The following PYGO1 variants were observed in gnomAD, a reference collection of about 807,000 sequenced individuals.
PYGO1 encodes pygopus family PHD finger 1.
Under a neutral mutation model 29.5 loss-of-function variants are expected in PYGO1, and 6 were observed. The observed-to-expected ratio is 0.20, with a 90% CI of 0.11 to 0.40. The LOEUF is 0.40. Among genes scored for constraint, PYGO1 ranks in the 10% least tolerant of loss-of-function variants. PYGO1 has a pLI of 1.00. For synonymous variants in PYGO1, 186 were observed against 180.5 expected, an observed-to-expected ratio of 1.03 and a Z score of -0.24; for missense variants, 515 against 514.9, an observed-to-expected ratio of 1.00 and a Z score of 0.00.
intron 1 of PYGO1, among the ~76,000 whole-genome samples, chr15:55,554,376 G>A (rs2058893650): frequency 6.6e-6 from 1 of 151,448 alleles, no homozygotes; most frequent in East Asian, 2.0e-4. Flanking sequence ...GGCTGAGGTG[G>A]GAGAATGGCG....
rs995501382 is a variant in PYGO1, at chr15:55,545,318, G to T, written c.*705C>A. 2 of 152,184 alleles carry T rather than the reference G, an allele frequency of 1.3e-5. No homozygotes were observed. The highest frequency in any genetic ancestry group is 4.8e-5 in the African/African-American group (2 of 41,460). 9.4% of individuals were successfully genotyped at this position (152,184 alleles called of 1,614,324 possible). On this transcript the variant is annotated 3_prime_UTR_variant, in exon 3 of 3. Transcript: ENST00000563719. The stretch of plus-strand genomic sequence containing the variant: ...AATTCTAAATAGCACAACTGGGAAC[G>T]TACGTTATACCAACTTTACTAATTG...
At position 55,546,883 on chromosome 15, in the gene PYGO1, T is replaced by A; in HGVS notation, c.400A>T (p.Asn134Tyr). 1 of 1,614,088 alleles carries A rather than the reference T, an allele frequency of 6.2e-7. No homozygotes were observed. The highest frequency in any genetic ancestry group is 8.5e-7 in the Non-Finnish European group (1 of 1,180,026). ...CGATTAAAACCCATGCCCAGAGGAT[T>A]CTGAGGAAATGGGTGTGGCTGGTTC... ...LRNQPHPFPQ[N>Y]PLGMGFNRPH... Residue 134 changes from asparagine (N) to tyrosine (Y), a missense_variant, in exon 3 of 3, where the codon AAT (asparagine) becomes TAT (tyrosine). Physicochemically the swap from Asn to Tyr is moderately radical, Grantham distance 143. Coordinates refer to ENST00000563719, the MANE Select transcript of PYGO1 (RefSeq NM_001367806.1).
rs1246984214 is a variant in PYGO1, at chr15:55,538,963, T to G, written c.*7060A>C. The G allele has an allele frequency of 1.3e-5, 2 of 152,188 alleles. No homozygotes were observed. The highest frequency in any genetic ancestry group is 1.5e-5 in the Non-Finnish European group (1 of 68,040). The allele number at this position is 152,188 out of a possible 1,614,324, so 9.4% of individuals were successfully genotyped here. A position where few individuals can be genotyped will look rare whatever the true frequency, so the allele number is the denominator to read the frequency against. On this transcript the variant is annotated 3_prime_UTR_variant, in exon 3 of 3. Coordinates refer to ENST00000563719, the MANE Select transcript of PYGO1 (RefSeq NM_001367806.1). ...ATAGGAAACAAACTTACAATACATATTATTCAAGAAAGCCTGCCATACATC... is the reference window on the plus strand; with the variant it reads ...ATAGGAAACAAACTTACAATACATAGTATTCAAGAAAGCCTGCCATACATC...
intron 1 of PYGO1, among the ~76,000 whole-genome samples, chr15:55,576,388 G>A (rs1282107743): frequency 1.5e-5 from 2 of 137,566 alleles, no homozygotes; most frequent in African/African-American, 5.4e-5. Context: ...CCCGGGAGGC[G>A]GAGCTTGCAG....
intron 1 of PYGO1, among the ~76,000 whole-genome samples, chr15:55,552,790 G>A (rs983105608): frequency 2.6e-5 from 4 of 152,130 alleles, no homozygotes; most frequent in African/African-American, 9.7e-5. Flanking sequence ...TACATACTCC[G>A]GCCCCAGAAG....
chr15:55,587,889 A>C lies in PYGO1; in HGVS notation c.-6T>G. ...TTCTCCTGTTCTGCTGACATTACAGACCGCAAAGCATGACTCCCCCCCAGG... is the reference window on the plus strand; with the variant it reads ...TTCTCCTGTTCTGCTGACATTACAGCCCGCAAAGCATGACTCCCCCCCAGG... On this transcript the variant is annotated 5_prime_UTR_variant, in exon 1 of 3. Transcript: ENST00000563719. 4 of 1,475,032 alleles carry C rather than the reference A, an allele frequency of 2.7e-6. No homozygotes were observed. The highest frequency in any genetic ancestry group is 3.6e-6 in the Non-Finnish European group (4 of 1,113,316). 91.4% of individuals were successfully genotyped at this position (1,475,032 alleles called of 1,614,324 possible). A position where few individuals can be genotyped will look rare whatever the true frequency, so the allele number is the denominator to read the frequency against.
At chr15:55,551,060 C>T (rs1206930798) in intron 1 of PYGO1, among the ~76,000 whole-genome samples, 4 of 152,184 alleles carry the variant, frequency 2.6e-5, no homozygotes. Flanking sequence ...GCTGCTGCTG[C>T]TGATCTGTCA....
chr15:55,578,211 T>A (rs2059011772), intron 1 of PYGO1, among the ~76,000 whole-genome samples: 1 of 152,222 alleles, frequency 6.6e-6, no homozygotes, highest in South Asian at 2.1e-4. Flanking sequence ...TTCCAATATA[T>A]AAATATACCA....
intron 1 of PYGO1, among the ~76,000 whole-genome samples, chr15:55,552,570 A>C (rs974509891): frequency 6.6e-6 from 1 of 152,028 alleles, no homozygotes; most frequent in Non-Finnish European, 1.5e-5. Context: ...GAGCCAAAAA[A>C]AAAGCCCCAC....
intron 1 of PYGO1, among the ~76,000 whole-genome samples, chr15:55,562,680 A>T (rs900144767): frequency 6.6e-6 from 1 of 152,150 alleles, no homozygotes; most frequent in Non-Finnish European, 1.5e-5. Flanking sequence ...CAAAAAAAAA[A>T]AAGAAAAATC....
Position 55,587,875 on chromosome 15 carries a change from T to A in PYGO1, c.9A>T (p.Ala3=). 2 of 1,494,874 alleles carry A rather than the reference T, an allele frequency of 1.3e-6. No individual in the cohort carries two copies. The highest frequency in any genetic ancestry group is 1.8e-6 in the Non-Finnish European group (2 of 1,125,008). 92.6% of individuals were successfully genotyped at this position (1,494,874 alleles called of 1,614,324 possible). ...GCGAAATGGGATCCTTCTCCTGTTCTGCTGACATTACAGACCGCAAAGCAT... is the reference window on the plus strand; with the variant it reads ...GCGAAATGGGATCCTTCTCCTGTTCAGCTGACATTACAGACCGCAAAGCAT... MS[A]EQEKDPISLK... is the part of the protein sequence containing the mutation. The change falls in exon 1 of 3, where the codon GCA becomes GCT. Residue 3 remains alanine, a synonymous_variant. Coordinates refer to ENST00000563719, the MANE Select transcript of PYGO1 (RefSeq NM_001367806.1).
chr15:55,553,217 C>T, intron 1 of PYGO1, among the ~76,000 whole-genome samples: 1 of 152,096 alleles, frequency 6.6e-6, no homozygotes. Flanking sequence ...CAGGGTTATA[C>T]AAGCAGAACT....
chr15:55,572,283 A>C (rs1329752944), intron 1 of PYGO1, among the ~76,000 whole-genome samples: 1 of 152,224 alleles, frequency 6.6e-6, no homozygotes, highest in East Asian at 1.9e-4. Flanking sequence ...AGGTACCAAG[A>C]GTACAAAATG....
intron 1 of PYGO1, among the ~76,000 whole-genome samples, chr15:55,561,812 T>C (rs935230667): frequency 2.0e-5 from 3 of 152,030 alleles, no homozygotes; most frequent in African/African-American, 4.8e-5. Context: ...GATTTCACGG[T>C]GAAAACTCCA....
intron 1 of PYGO1, among the ~76,000 whole-genome samples, chr15:55,560,184 G>C (rs1331553809): frequency 6.6e-6 from 1 of 151,934 alleles, no homozygotes; most frequent in Non-Finnish European, 1.5e-5. Flanking sequence ...TTCTGGTCAG[G>C]GCAATCAGGC....
rs1321555170 is a variant in PYGO1, at chr15:55,583,667, C to T, written c.49+4168G>A. ...GAGTAGCTGGGACTACGGGTGCACA[C>T]CACCACTAATTTTTAAACTTTGTAG... On this transcript the variant is annotated intron_variant, in intron 1 of 2. Coordinates refer to ENST00000563719, the MANE Select transcript of PYGO1 (RefSeq NM_001367806.1). 2.0e-5 allele frequency among the ~76,000 whole-genome samples: 3 copies of T among 152,260 alleles called. No homozygotes were observed. The East Asian group carries it at 5.8e-4, about 29-fold the overall frequency.
Position 55,544,721 on chromosome 15 carries a change from T to C in PYGO1, c.*1302A>G, listed in dbSNP as rs1469428958. 2 of 152,190 alleles carry C rather than the reference T, an allele frequency of 1.3e-5. No individual in the cohort carries two copies. Among genetic ancestry groups the C allele is most frequent in the Non-Finnish European group, 2.9e-5 (2 of 68,022 alleles). The allele number at this position is 152,190 out of a possible 1,614,324, so 9.4% of individuals were successfully genotyped here. On this transcript the variant is annotated 3_prime_UTR_variant, in exon 3 of 3. Transcript: ENST00000563719. ...TTGCAATGATAATGGTGGCAACATA[T>C]TAGGGAGCTTTACCAGCCTCCAATG...
intron 1 of PYGO1, among the ~76,000 whole-genome samples, chr15:55,550,350 G>A (rs62020036): frequency 9.9e-4 from 150 of 152,252 alleles, no homozygotes; most frequent in Non-Finnish European, 1.7e-3. Context: ...GGGAGCTCTA[G>A]AGGGATACTT....
rs2058827076 is a variant in PYGO1 at position 55,541,267 on chromosome 15, T to C, written c.*4756A>G. The C allele has an allele frequency of 6.6e-6, 1 of 152,204 alleles. No homozygotes were observed. The highest frequency in any genetic ancestry group is 2.4e-5 in the African/African-American group (1 of 41,450). 9.4% of individuals were successfully genotyped at this position (152,204 alleles called of 1,614,324 possible). On this transcript the variant is annotated 3_prime_UTR_variant, in exon 3 of 3. Transcript: ENST00000563719. ...CTCCAGGGGTGCTTCCAAATTCCCA[T>C]CACTGTACCATAAGTTGGAAGATGC...
Sources: gnomAD v4.1 joint callset for allele counts (sites outside exome capture counted in the v4.1 genomes callset) on GRCh38, gnomAD v4.1.1 for gene constraint, MANE v1.5 for transcripts, NCBI Gene and HGNC (gene_info 2026-07-23, HGNC 2026-07-21) for gene names.